The following EFNA5 variants were observed in gnomAD, a reference collection of about 807,000 sequenced individuals.
The protein encoded by EFNA5 is ephrin A5.
Under a neutral mutation model 22.9 loss-of-function variants are expected in EFNA5, and 5 were observed. That is an observed-to-expected ratio of 0.22 (90% CI 0.11 to 0.46). The LOEUF (loss-of-function observed/expected upper bound fraction) is 0.46. Ranked by LOEUF, EFNA5 falls within the 20% of genes least tolerant of loss-of-function variation. EFNA5 has a pLI of 0.99. For synonymous variants in EFNA5, 113 were observed against 112.2 expected (o/e 1.01, Z -0.04); for missense variants, 237 against 293.3 (o/e 0.81, Z 1.40).
chr5:107,606,210 A>T lies in EFNA5; in HGVS notation c.125+64279T>A, dbSNP rs545136410. On this transcript the variant is annotated intron_variant, in intron 1 of 4. Coordinates refer to ENST00000333274, the MANE Select transcript of EFNA5 (RefSeq NM_001962.3). Reference sequence around the variant, plus strand: ...CCACTTTTTACTTGACTTTTTTTTTAAAGTCCTTTCCCAAACTGTGGTATT... The same window carrying T: ...CCACTTTTTACTTGACTTTTTTTTTTAAGTCCTTTCCCAAACTGTGGTATT... Among the ~76,000 whole-genome samples, 609 of 152,130 alleles carry T rather than the reference A, an allele frequency of 4.0e-3. 3 individuals are homozygous for T. The highest frequency in any genetic ancestry group is 0.014 in the Middle Eastern group (4 of 294).
At chr5:107,429,722 A>G (rs1748898614) in intron 1 of EFNA5, among the ~76,000 whole-genome samples, 1 of 152,232 alleles carries the variant, frequency 6.6e-6, no homozygotes, top group Non-Finnish European at 1.5e-5. Context: ...AGATAAGGAA[A>G]TGTATGGAAC....
chr5:107,601,900 G>A (rs1749603970), intron 1 of EFNA5, among the ~76,000 whole-genome samples: 1 of 152,166 alleles, frequency 6.6e-6, no homozygotes, highest in South Asian at 2.1e-4. Context: ...CACTAAAGAA[G>A]TAAGAAGTTT....
intron 1 of EFNA5, among the ~76,000 whole-genome samples, chr5:107,496,659 T>C (rs1401023099): frequency 6.6e-6 from 1 of 152,220 alleles, no homozygotes; most frequent in African/African-American, 2.4e-5. Flanking sequence ...AGACAACAGC[T>C]GGTGCTGTCT....
chr5:107,599,318 A>T (rs1749539034), intron 1 of EFNA5, among the ~76,000 whole-genome samples: 1 of 152,234 alleles, frequency 6.6e-6, no homozygotes, highest in Non-Finnish European at 1.5e-5. Flanking sequence ...CCAGGTATGG[A>T]CATATTTCCA....
At chr5:107,664,875 G>A (rs1019113784) in intron 1 of EFNA5, among the ~76,000 whole-genome samples, 7 of 152,154 alleles carry the variant, frequency 4.6e-5, no homozygotes, top group Admixed American at 2.6e-4. Context: ...CGTCAACACA[G>A]AGTCGTTCAT....
At chr5:107,554,780 G>A (rs1748372797) in intron 1 of EFNA5, among the ~76,000 whole-genome samples, 1 of 152,108 alleles carries the variant, frequency 6.6e-6, no homozygotes, top group African/African-American at 2.4e-5. Flanking sequence ...TTTGCAGATA[G>A]GAAAACCGAG....
At chr5:107,576,238 G>A (rs1422846776) in intron 1 of EFNA5, among the ~76,000 whole-genome samples, 2 of 152,132 alleles carry the variant, frequency 1.3e-5, no homozygotes, top group African/African-American at 4.8e-5. Flanking sequence ...AGTGAGAAAA[G>A]TTACATCCAG....
intron 1 of EFNA5, among the ~76,000 whole-genome samples, chr5:107,667,376 A>T (rs1470517587): frequency 6.6e-6 from 1 of 152,106 alleles, no homozygotes; most frequent in Non-Finnish European, 1.5e-5. Flanking sequence ...CTATTCTGAC[A>T]GCAAATAAAT....
At chr5:107,472,779 T>A (rs946510792) in intron 1 of EFNA5, among the ~76,000 whole-genome samples, 1 of 152,176 alleles carries the variant, frequency 6.6e-6, no homozygotes, top group Non-Finnish European at 1.5e-5. Context: ...GTACAACTCA[T>A]GTGGGAGGTA....
chr5:107,635,936 A>G (rs924289666), intron 1 of EFNA5, among the ~76,000 whole-genome samples: 6 of 152,262 alleles, frequency 3.9e-5, no homozygotes, highest in Non-Finnish European at 7.3e-5. Flanking sequence ...CCTAAGGGAC[A>G]TGGGTTGAAA....
chr5:107,599,409 AT>A (rs1410943718), intron 1 of EFNA5, among the ~76,000 whole-genome samples: 1 of 128,014 alleles, frequency 7.8e-6, no homozygotes, highest in Non-Finnish European at 1.9e-5. Context: ...TATAAAACAT[AT>A]ATTTGCATAT....
At chr5:107,453,635 G>A (rs1013201042) in intron 1 of EFNA5, among the ~76,000 whole-genome samples, 1 of 152,130 alleles carries the variant, frequency 6.6e-6, no homozygotes, top group Non-Finnish European at 1.5e-5. Context: ...AATGAGGTCT[G>A]CCAAGTTTCT....
chr5:107,478,107 A>G (rs948252676), intron 1 of EFNA5, among the ~76,000 whole-genome samples: 1 of 152,148 alleles, frequency 6.6e-6, no homozygotes, highest in African/African-American at 2.4e-5. Context: ...TGTCATACCT[A>G]ATAATCCACA....
Position 107,387,288 on chromosome 5 carries a change from T to C in EFNA5, c.512A>G (p.His171Arg). The C allele has an allele frequency of 2.5e-6, 4 of 1,605,726 alleles. No homozygotes were observed. The highest frequency in any genetic ancestry group is 8.5e-7 in the Non-Finnish European group (1 of 1,174,576). The change falls in exon 4 of 5, where the codon CAT becomes CGT. Residue 171 changes from histidine to arginine, a missense_variant. His to Arg is a conservative substitution (Grantham distance 29). Transcript: ENST00000333274. ...TNSCMKTIGV[H>R]DRVFDVNDKV... ...GTCGTTAACATCGAAAACACGATCA[T>C]GAACACCTATAGTTTTCATACAGCT...
intron 1 of EFNA5, among the ~76,000 whole-genome samples, chr5:107,440,332 T>C (rs1034210078): frequency 2.0e-5 from 3 of 152,214 alleles, no homozygotes; most frequent in Non-Finnish European, 4.4e-5. Context: ...TGACAGAGAA[T>C]ATAGTTGTTT....
chr5:107,572,510 G>T (rs1301793241), intron 1 of EFNA5, among the ~76,000 whole-genome samples: 2 of 152,196 alleles, frequency 1.3e-5, no homozygotes, highest in Non-Finnish European at 2.9e-5. Flanking sequence ...GCCATGAAAA[G>T]ATTCTTAAGT....
At chr5:107,511,492 T>A (rs1747369821) in intron 1 of EFNA5, among the ~76,000 whole-genome samples, 1 of 152,134 alleles carries the variant, frequency 6.6e-6, no homozygotes, top group East Asian at 1.9e-4. Flanking sequence ...AAAATATACA[T>A]GTAAAATAAA....
intron 1 of EFNA5, among the ~76,000 whole-genome samples, chr5:107,622,321 G>A (rs1039812771): frequency 6.6e-6 from 1 of 152,156 alleles, no homozygotes; most frequent in African/African-American, 2.4e-5. Flanking sequence ...CACCCACGAA[G>A]CTTTTAATAA....
chr5:107,466,730 G>C (rs891353332), intron 1 of EFNA5, among the ~76,000 whole-genome samples: 3 of 152,190 alleles, frequency 2.0e-5, no homozygotes, highest in Non-Finnish European at 2.9e-5. Context: ...CTGTAAGTTA[G>C]TGTGGTGAGT....
Sources: gnomAD v4.1 joint callset for allele counts (sites outside exome capture counted in the v4.1 genomes callset) on GRCh38, gnomAD v4.1.1 for gene constraint, MANE v1.5 for transcripts, NCBI Gene and HGNC (gene_info 2026-07-23, HGNC 2026-07-21) for gene names.